The following ANO6 variants were observed in gnomAD, a reference collection of about 807,000 sequenced individuals.
ANO6 encodes the protein anoctamin-6.
In ANO6, 106 loss-of-function variants were observed where a neutral mutation model predicts 117.5. The ratio of observed to expected loss-of-function variants is 0.90; its 90% confidence interval spans 0.77 to 1.06. The LOEUF is 1.06. Ranked by LOEUF, ANO6 falls within the 50% of genes least tolerant of loss-of-function variation. The pLI, the probability that ANO6 is intolerant of heterozygous loss-of-function variation, is 0.00. For synonymous variants in ANO6, 367 were observed against 385.1 expected (o/e 0.95, Z 0.55); for missense variants, 955 against 1,121.1 (o/e 0.85, Z 2.12).
chr12:45,331,860 A>G (rs1940675864), intron 3 of ANO6, among the ~76,000 whole-genome samples: 1 of 152,110 alleles, frequency 6.6e-6, no homozygotes, highest in Non-Finnish European at 1.5e-5. Context: ...GGGTTCTATA[A>G]TCACACCATT....
chr12:45,404,478 T>C (rs554798607), intron 15 of ANO6, among the ~76,000 whole-genome samples: 5 of 152,240 alleles, frequency 3.3e-5, no homozygotes, highest in African/African-American at 7.2e-5. Flanking sequence ...GTCAGAAGTC[T>C]CACTGGACTA....
chr12:45,339,772 A>C (rs1190499526), intron 3 of ANO6, among the ~76,000 whole-genome samples: 2 of 152,132 alleles, frequency 1.3e-5, no homozygotes, highest in African/African-American at 4.8e-5. Context: ...TTTTTCCACA[A>C]ATTAAGTACC....
In ANO6 at chr12:45,431,054, G is replaced by A. The variant is rs926783350; in HGVS notation, c.*1743G>A. On this transcript the variant is annotated 3_prime_UTR_variant, in exon 20 of 20. Transcript: ENST00000320560. ...AATGCCTGCCATGAATGATTTGTAA[G>A]TAATTATGTAGGATCCATCAAAGCA... 48 of 985,308 alleles carry A rather than the reference G, an allele frequency of 4.9e-5. No homozygotes were observed. Among genetic ancestry groups the A allele is most frequent in the African/African-American group, 8.7e-5 (5 of 57,236 alleles). The allele number at this position is 985,308 out of a possible 1,614,324, so 61.0% of individuals were successfully genotyped here. A position where few individuals can be genotyped will look rare whatever the true frequency, so the allele number is the denominator to read the frequency against.
chr12:45,249,954 A>G (rs1947877970), intron 1 of ANO6, among the ~76,000 whole-genome samples: 1 of 152,222 alleles, frequency 6.6e-6, no homozygotes, highest in South Asian at 2.1e-4. Flanking sequence ...CAGATCATTA[A>G]TCTTCAATTT....
intron 16 of ANO6, among the ~76,000 whole-genome samples, chr12:45,412,423 AAAC>A (rs2137667957): frequency 6.6e-6 from 1 of 152,322 alleles, no homozygotes; most frequent in East Asian, 1.9e-4. Flanking sequence ...AAATCTGCTA[AAAC>A]AATGACCTTC....
At chr12:45,341,818 G>A (rs1446175766) in intron 3 of ANO6, among the ~76,000 whole-genome samples, 1 of 152,114 alleles carries the variant, frequency 6.6e-6, no homozygotes, top group Non-Finnish European at 1.5e-5. Flanking sequence ...AAACAGAGAT[G>A]AGCCTCTAAG....
intron 15 of ANO6, among the ~76,000 whole-genome samples, chr12:45,405,590 C>CT (rs1361785861): frequency 1.3e-5 from 2 of 152,112 alleles, no homozygotes; most frequent in Non-Finnish European, 2.9e-5. Context: ...GTTTTCTTAA[C>CT]TTTTTTATAC....
At chr12:45,252,200 A>G (rs1365610372) in intron 1 of ANO6, among the ~76,000 whole-genome samples, 1 of 152,222 alleles carries the variant, frequency 6.6e-6, no homozygotes, top group African/African-American at 2.4e-5. Context: ...ACCTGGCAGA[A>G]CACACCATCA....
At chr12:45,387,621 C>T (rs1011312258) in intron 10 of ANO6, among the ~76,000 whole-genome samples, 1 of 152,212 alleles carries the variant, frequency 6.6e-6, no homozygotes, top group Admixed American at 6.5e-5. Flanking sequence ...AAATTACCAA[C>T]ATTTTTCTTT....
chr12:45,226,239 G>A (rs940285105), intron 1 of ANO6, among the ~76,000 whole-genome samples: 2 of 152,284 alleles, frequency 1.3e-5, no homozygotes, highest in Admixed American at 6.5e-5. Flanking sequence ...TATTGCCCTG[G>A]CTACATGTTT....
chr12:45,379,345 C>T lies in ANO6; in HGVS notation c.1165+1232C>T, dbSNP rs1165920466. On this transcript the variant is annotated intron_variant, in intron 10 of 19. Transcript: ENST00000320560. ...TTTTTAGAGATATTTGTTGCCGCTC[C>T]ACAGATAAAGTGCACTGTAAGGTGG... 3.9e-5 allele frequency among the ~76,000 whole-genome samples: 6 copies of T among 152,270 alleles called. No individual in the cohort carries two copies. The East Asian group carries it at 9.6e-4, about 24-fold the overall frequency.
At chr12:45,230,928 C>T (rs144582168) in intron 1 of ANO6, among the ~76,000 whole-genome samples, 1,659 of 152,152 alleles carry the variant, frequency 0.011, 29 homozygotes, top group African/African-American at 0.036. Context: ...GGCAACTTGA[C>T]GAAACCTTGT....
intron 1 of ANO6, 142 bp downstream of exon 1, chr12:45,216,533 C>A: frequency 2.2e-6 from 2 of 923,398 alleles, no homozygotes; most frequent in Non-Finnish European, 3.2e-6. Context: ...AGGAAGCCCG[C>A]TGTCCCCGGC....
intron 1 of ANO6, among the ~76,000 whole-genome samples, chr12:45,295,412 T>C (rs751051746): frequency 3.3e-5 from 5 of 152,340 alleles, no homozygotes; most frequent in Non-Finnish European, 7.4e-5. Flanking sequence ...CAGAGAATGA[T>C]GCAGGAGCAG....
chr12:45,404,161 C>T (rs191473922), intron 15 of ANO6, among the ~76,000 whole-genome samples: 110 of 152,254 alleles, frequency 7.2e-4, no homozygotes, highest in African/African-American at 2.5e-3. Context: ...GATCCTAAGG[C>T]ACTAGGATAT....
At chr12:45,248,242 C>A (rs1213497715) in intron 1 of ANO6, among the ~76,000 whole-genome samples, 4 of 152,072 alleles carry the variant, frequency 2.6e-5, no homozygotes, top group Non-Finnish European at 5.9e-5. Context: ...TTGATTCTTA[C>A]AAGAGTCATA....
At chr12:45,405,888 C>G (rs1473079036) in intron 15 of ANO6, among the ~76,000 whole-genome samples, 1 of 151,952 alleles carries the variant, frequency 6.6e-6, no homozygotes. Flanking sequence ...GCCTAGGCAA[C>G]AAGAGCGAAA....
intron 1 of ANO6, among the ~76,000 whole-genome samples, chr12:45,299,571 G>C (rs1939411284): frequency 6.6e-6 from 1 of 152,154 alleles, no homozygotes; most frequent in African/African-American, 2.4e-5. Flanking sequence ...ATTGAATCCA[G>C]GCCGGAAGCG....
intron 19 of ANO6, 68 bp from the exon 20 acceptor site, chr12:45,429,037 G>C: frequency 6.4e-7 from 1 of 1,568,620 alleles, no homozygotes; most frequent in Non-Finnish European, 8.7e-7. Flanking sequence ...TGACAAGCAA[G>C]AATGAAAGGA....
Sources: allele counts gnomAD v4.1 joint callset (sites outside exome capture counted in the v4.1 genomes callset), GRCh38; gene constraint gnomAD v4.1.1; transcripts MANE v1.5; gene names NCBI Gene and HGNC (gene_info 2026-07-23, HGNC 2026-07-21).